The following CHN2 variants were observed in gnomAD, a reference collection of about 807,000 sequenced individuals.
CHN2 encodes beta-chimaerin.
A neutral mutation model predicts 56.3 loss-of-function variants in CHN2; 35 were observed. The observed-to-expected ratio is 0.62, with a 90% CI of 0.47 to 0.82. CHN2 has a LOEUF of 0.82. Among genes scored for constraint, CHN2 ranks in the 40% least tolerant of loss-of-function variants. The pLI is 0.00. For missense variants in CHN2, 491 were observed against 580.5 expected (o/e 0.85, Z 1.58); for synonymous variants, 210 against 212.8 (o/e 0.99, Z 0.12).
At chr7:29,409,123 C>T (rs1802943200) in intron 6 of CHN2, among the ~76,000 whole-genome samples, 1 of 152,172 alleles carries the variant, frequency 6.6e-6, no homozygotes, top group African/African-American at 2.4e-5. Flanking sequence ...TGTTCTGTAG[C>T]CTGTGCTCCT....
At chr7:29,457,941 G>A (rs1784886513) in intron 6 of CHN2, among the ~76,000 whole-genome samples, 1 of 152,090 alleles carries the variant, frequency 6.6e-6, no homozygotes, top group Non-Finnish European at 1.5e-5. Context: ...TTATGAATTA[G>A]CACATATTTT....
At chr7:29,506,897 T>C (rs1263520330) in intron 10 of CHN2, among the ~76,000 whole-genome samples, 1 of 152,228 alleles carries the variant, frequency 6.6e-6, no homozygotes, top group African/African-American at 2.4e-5. Context: ...TTGTTTCAGA[T>C]TAGATTGTCA....
intron 1 of CHN2, among the ~76,000 whole-genome samples, chr7:29,265,305 C>T (rs1268725729): frequency 6.6e-6 from 1 of 152,196 alleles, no homozygotes; most frequent in African/African-American, 2.4e-5. Context: ...CTTCCTTACT[C>T]TCTGATTACT....
At position 29,437,576 on chromosome 7, in the gene CHN2, C is replaced by T. The variant is rs1449073361; in HGVS notation, c.576+36748C>T. Among the ~76,000 whole-genome samples the T allele has an allele frequency of 2.2e-5, 3 of 136,268 alleles. 1 individual carries two copies. The highest frequency in any genetic ancestry group is 5.3e-5 in the African/African-American group (2 of 37,474). 89.4% of individuals were successfully genotyped at this position (136,268 alleles called of 152,430 possible). On this transcript the variant is annotated intron_variant, in intron 6 of 12. Coordinates refer to ENST00000222792, the MANE Select transcript of CHN2 (RefSeq NM_004067.4). ...TCGCGCCACTGCACTCCAGCCTGGGCGACAGAGCGAGACTCCGTCTCAAAA... is the reference window on the plus strand; with the variant it reads ...TCGCGCCACTGCACTCCAGCCTGGGTGACAGAGCGAGACTCCGTCTCAAAA...
intron 1 of CHN2, among the ~76,000 whole-genome samples, chr7:29,210,872 C>G (rs1784865570): frequency 6.6e-6 from 1 of 151,920 alleles, no homozygotes; most frequent in Non-Finnish European, 1.5e-5. Flanking sequence ...CGAGAGTGTA[C>G]CTGGTGTGTT....
At chr7:29,327,842 C>A (rs564480111) in intron 1 of CHN2, among the ~76,000 whole-genome samples, 5 of 152,290 alleles carry the variant, frequency 3.3e-5, no homozygotes, top group Admixed American at 6.5e-5. Flanking sequence ...ACAGTTTGGT[C>A]TTTGCACTTA....
At chr7:29,367,553 A>C (rs1192997520) in intron 2 of CHN2, among the ~76,000 whole-genome samples, 1 of 152,216 alleles carries the variant, frequency 6.6e-6, no homozygotes, top group Non-Finnish European at 1.5e-5. Context: ...CGGCATTTAA[A>C]TTCAGGAATC....
At chr7:29,448,125 GC>G (rs1784157713) in intron 6 of CHN2, among the ~76,000 whole-genome samples, 1 of 152,130 alleles carries the variant, frequency 6.6e-6, no homozygotes, top group African/African-American at 2.4e-5. Context: ...CAGGGATATG[GC>G]CCTTTGAGGT....
At chr7:29,382,471 T>C (rs529999117) in intron 3 of CHN2, among the ~76,000 whole-genome samples, 2 of 152,272 alleles carry the variant, frequency 1.3e-5, no homozygotes, top group South Asian at 2.1e-4. Flanking sequence ...TGCCAGTCTT[T>C]CCATGGATAC....
chr7:29,348,416 A>G (rs1303027653), intron 1 of CHN2, among the ~76,000 whole-genome samples: 3 of 151,924 alleles, frequency 2.0e-5, no homozygotes, highest in African/African-American at 4.8e-5. Context: ...CAGATTCTTT[A>G]TGGATTATTT....
chr7:29,181,433 G>A (rs1263271150), intron 2 of CHN2: 1 of 152,108 alleles, frequency 6.6e-6, no homozygotes, highest in East Asian at 1.9e-4. Flanking sequence ...AAACAGAAAG[G>A]CACATATAGA....
chr7:29,496,383 C>T (rs1255185927), intron 8 of CHN2, among the ~76,000 whole-genome samples: 4 of 152,006 alleles, frequency 2.6e-5, no homozygotes, highest in Non-Finnish European at 4.4e-5. Flanking sequence ...CCCCATCTTG[C>T]TACAAAAGGT....
chr7:29,188,758 AAAC>A (rs201321287), intron 2 of CHN2, among the ~76,000 whole-genome samples: 2,419 of 152,192 alleles, frequency 0.016, 28 homozygotes, highest in Non-Finnish European at 0.019. Flanking sequence ...GTTTTGTTAA[AAAC>A]AACAACAACA....
At chr7:29,437,597 C>CAAAAAAAAAA (rs11436612) in intron 6 of CHN2, among the ~76,000 whole-genome samples, 1 of 52,624 alleles carries the variant, frequency 1.9e-5, no homozygotes, top group African/African-American at 9.6e-5. Flanking sequence ...GACTCCGTCT[C>CAAAAAAAAAA]AAAAAAAAAA....
At chr7:29,384,903 A>C (rs116689356) in intron 3 of CHN2, among the ~76,000 whole-genome samples, 1 of 152,194 alleles carries the variant, frequency 6.6e-6, no homozygotes, top group African/African-American at 2.4e-5. Context: ...TCAAAGCTAC[A>C]TGCTGTGAGG....
intron 6 of CHN2, among the ~76,000 whole-genome samples, chr7:29,419,944 C>T (rs1804161956): frequency 6.6e-6 from 1 of 151,896 alleles, no homozygotes; most frequent in Non-Finnish European, 1.5e-5. Flanking sequence ...CCTGTAATCC[C>T]AGCTACTCGG....
intron 1 of CHN2, chr7:29,212,809 A>G: frequency 1.2e-6 from 2 of 1,607,992 alleles, no homozygotes; most frequent in Middle Eastern, 1.7e-4. Context: ...GGAAGGCCTC[A>G]GCACCTACCT....
intron 6 of CHN2, among the ~76,000 whole-genome samples, chr7:29,449,162 T>G (rs1022583490): frequency 2.0e-5 from 3 of 152,230 alleles, no homozygotes; most frequent in African/African-American, 7.2e-5. Flanking sequence ...AAGTGTTTCC[T>G]TATTATTTCA....
rs147122332 is a variant in CHN2, at chr7:29,185,734, G to A, written c.274+38774G>A. 476 of 152,176 alleles carry A rather than the reference G, an allele frequency of 3.1e-3. 4 individuals carry two copies. Among genetic ancestry groups the A allele is most frequent in the African/African-American group, 0.011 (449 of 41,494 alleles). 9.4% of individuals were successfully genotyped at this position (152,176 alleles called of 1,614,324 possible). A position where few individuals can be genotyped will look rare whatever the true frequency, so the allele number is the denominator to read the frequency against. On this transcript the variant is annotated intron_variant, in intron 2 of 6. Coordinates refer to the CHN2 transcript ENST00000439384. ...TCTGAGTGATTCTCATATATACCCCGAGTTGCAAACCATCGCCCTAGGACC... is the reference window on the plus strand; with the variant it reads ...TCTGAGTGATTCTCATATATACCCCAAGTTGCAAACCATCGCCCTAGGACC...
Sources: gnomAD v4.1 joint callset for allele counts (sites outside exome capture counted in the v4.1 genomes callset) on GRCh38, gnomAD v4.1.1 for gene constraint, MANE v1.5 for transcripts, NCBI Gene and HGNC (gene_info 2026-07-23, HGNC 2026-07-21) for gene names.